Variants in PDE10A observed in about 807,000 individuals in gnomAD.
PDE10A encodes the protein cAMP and cAMP-inhibited cGMP 3',5'-cyclic phosphodiesterase 10A.
Under a neutral mutation model 97.7 loss-of-function variants are expected in PDE10A, and 39 were observed. The observed-to-expected ratio is 0.40, with a 90% confidence interval of 0.31 to 0.52. The LOEUF (loss-of-function observed/expected upper bound fraction) is 0.52, where lower values mean the gene tolerates loss of function less well. Among genes scored for constraint, PDE10A ranks in the 20% least tolerant of loss-of-function variants. The pLI, the probability that PDE10A is intolerant of heterozygous loss-of-function variation, is 0.56. For synonymous variants in PDE10A, 371 were observed against 376.8 expected, an observed-to-expected ratio of 0.98 and a Z score of 0.18; for missense variants, 731 against 1,047.8, an observed-to-expected ratio of 0.70 and a Z score of 4.17.
At chr6:165,715,844 C>T (rs1792013770) in intron 1 of PDE10A, among the ~76,000 whole-genome samples, 1 of 152,220 alleles carries the variant, frequency 6.6e-6, no homozygotes, top group Admixed American at 6.5e-5. Flanking sequence ...TGTGTCCTCT[C>T]CTGTGGCATC....
rs539501692 is a variant in PDE10A, at chr6:165,844,030, C to G, written c.-615+143499G>C. On this transcript the variant is annotated intron_variant, in intron 1 of 19. Coordinates refer to the PDE10A transcript ENST00000366882. Reference sequence around the variant, plus strand: ...ATGAAGACCATTGTGTGAGAAGGGACGAGTCTGGAGCTGCCTCCCAAAGGA... The same window carrying G: ...ATGAAGACCATTGTGTGAGAAGGGAGGAGTCTGGAGCTGCCTCCCAAAGGA... Among the ~76,000 whole-genome samples the G allele has an allele frequency of 2.0e-5, 3 of 152,222 alleles. No homozygotes were observed. In the South Asian group the frequency reaches 6.2e-4, roughly 32 times the overall value.
At chr6:165,964,411 C>T (rs1209786298) in intron 1 of PDE10A, among the ~76,000 whole-genome samples, 5 of 152,142 alleles carry the variant, frequency 3.3e-5, no homozygotes. Flanking sequence ...TTGTTTTTCT[C>T]CTGTTCTCTT....
chr6:165,444,391 G>A (rs1472374186), intron 5 of PDE10A, among the ~76,000 whole-genome samples: 1 of 152,132 alleles, frequency 6.6e-6, no homozygotes, highest in Non-Finnish European at 1.5e-5. Context: ...AATATACTGA[G>A]TTTAGTATGT....
At chr6:165,452,860 G>A (rs946073366) in intron 3 of PDE10A, among the ~76,000 whole-genome samples, 2 of 150,392 alleles carry the variant, frequency 1.3e-5, no homozygotes, top group African/African-American at 4.9e-5. Context: ...AACCTAGACT[G>A]CAATAAAGGA....
At position 165,601,513 on chromosome 6, in the gene PDE10A, G is replaced by C. The variant is rs75482050; in HGVS notation, c.866-57945C>G. On this transcript the variant is annotated intron_variant, in intron 1 of 21. Transcript: ENST00000539869. ...TACCAGCCCTATGAGGTAGAGAAAT[G>C]AAAGAATTGGTAGACTCCCATACTT... 1.4e-4 allele frequency among the ~76,000 whole-genome samples: 21 copies of C among 152,308 alleles called. No homozygotes were observed. In the East Asian group the frequency reaches 4.0e-3, roughly 29 times the overall value.
At chr6:165,951,797 T>A (rs780204320) in intron 1 of PDE10A, among the ~76,000 whole-genome samples, 5 of 152,206 alleles carry the variant, frequency 3.3e-5, no homozygotes, top group Non-Finnish European at 7.3e-5. Flanking sequence ...ATGCAAGTGG[T>A]GACCTGGCTC....
chr6:165,983,783 A>T (rs1381964932), intron 1 of PDE10A, among the ~76,000 whole-genome samples: 1 of 152,232 alleles, frequency 6.6e-6, no homozygotes, highest in Non-Finnish European at 1.5e-5. Context: ...CAAAGGGGTA[A>T]AAAACAACAG....
At chr6:165,435,174 G>T in intron 6 of PDE10A, 63 bp downstream of exon 6, 1 of 1,318,580 alleles carries the variant, frequency 7.6e-7, no homozygotes, top group Non-Finnish European at 1.1e-6. Flanking sequence ...AAAATGATAT[G>T]CCATCTTTCT....
At chr6:165,764,502 A>C (rs1049796108) in intron 1 of PDE10A, among the ~76,000 whole-genome samples, 1 of 146,368 alleles carries the variant, frequency 6.8e-6, no homozygotes, top group African/African-American at 2.6e-5. Context: ...TCGCAGTGTT[A>C]CAGCTCTTAA....
At chr6:165,735,009 GTAGATAGGTAGGTAGT>G (rs150365961) in intron 1 of PDE10A, among the ~76,000 whole-genome samples, 4,249 of 139,382 alleles carry the variant, frequency 0.03, 84 homozygotes, top group African/African-American at 0.081. Context: ...AGGTAGGTAG[GTAGATAGGTAGGTAGT>G]TAGGTAGGTA....
intron 18 of PDE10A, among the ~76,000 whole-genome samples, chr6:165,357,949 A>G (rs546483765): frequency 6.6e-6 from 1 of 152,226 alleles, no homozygotes; most frequent in South Asian, 2.1e-4. Context: ...ATACACATTG[A>G]AAGTTATACA....
intron 1 of PDE10A, among the ~76,000 whole-genome samples, chr6:165,932,439 G>T (rs896012680): frequency 2.0e-5 from 3 of 151,974 alleles, no homozygotes; most frequent in Admixed American, 1.3e-4. Context: ...GAGTTCAAGC[G>T]ATTCTCCTGT....
chr6:165,504,115 A>G (rs2128296811), intron 2 of PDE10A, among the ~76,000 whole-genome samples: 1 of 152,318 alleles, frequency 6.6e-6, no homozygotes, highest in Middle Eastern at 3.4e-3. Context: ...AAAACTGATG[A>G]CAGGGAATAA....
chr6:165,895,817 C>G (rs1781927399), intron 1 of PDE10A, among the ~76,000 whole-genome samples: 1 of 152,142 alleles, frequency 6.6e-6, no homozygotes, highest in Non-Finnish European at 1.5e-5. Context: ...ATTCCGGGCT[C>G]CCCAGTCCTG....
At chr6:165,636,396 G>A (rs1411140470) in intron 1 of PDE10A, among the ~76,000 whole-genome samples, 1 of 152,140 alleles carries the variant, frequency 6.6e-6, no homozygotes, top group African/African-American at 2.4e-5. Flanking sequence ...GACTTGCCAA[G>A]TTACATTTAT....
chr6:165,558,833 C>T (rs1297088897), intron 1 of PDE10A, among the ~76,000 whole-genome samples: 2 of 151,956 alleles, frequency 1.3e-5, no homozygotes, highest in African/African-American at 4.8e-5. Flanking sequence ...ACAATGAACA[C>T]GTATATATAC....
intron 1 of PDE10A, among the ~76,000 whole-genome samples, chr6:165,637,150 A>C (rs1788915676): frequency 6.6e-6 from 1 of 152,226 alleles, no homozygotes; most frequent in Non-Finnish European, 1.5e-5. Context: ...TTATGCAATA[A>C]ACTTCTCACA....
At chr6:165,751,121 G>C (rs1792989878) in intron 1 of PDE10A, among the ~76,000 whole-genome samples, 1 of 152,176 alleles carries the variant, frequency 6.6e-6, no homozygotes, top group South Asian at 2.1e-4. Flanking sequence ...TTCACCTGCG[G>C]GTGCATTAGA....
chr6:165,510,441 G>A (rs1312330091), intron 2 of PDE10A, among the ~76,000 whole-genome samples: 5 of 151,932 alleles, frequency 3.3e-5, no homozygotes, highest in Non-Finnish European at 5.9e-5. Flanking sequence ...GTATTTTGTT[G>A]AGGATTTTTG....
Sources: allele counts gnomAD v4.1 joint callset (sites outside exome capture counted in the v4.1 genomes callset), GRCh38; gene constraint gnomAD v4.1.1; transcripts MANE v1.5; gene names NCBI Gene and HGNC (gene_info 2026-07-23, HGNC 2026-07-21).